DACH2: variants seen among roughly 807,000 people sequenced by gnomAD.
DACH2 encodes dachshund family transcription factor 2.
A neutral mutation model predicts 35.8 loss-of-function variants in DACH2; 17 were observed. The observed-to-expected ratio is 0.48, with a 90% CI of 0.33 to 0.71. DACH2 has a LOEUF of 0.71. DACH2 is among the 30% of genes least tolerant of loss of function. DACH2 has a pLI of 0.02. For synonymous variants in DACH2, 195 were observed against 177.3 expected (o/e 1.10, Z -0.79); for missense variants, 469 against 472.7 (o/e 0.99, Z 0.07).
chrX:86,258,559 G>T (rs769277367), intron 1 of DACH2, among the ~76,000 whole-genome samples: 1 of 111,212 alleles, frequency 9.0e-6, no homozygotes, highest in East Asian at 2.8e-4. Context: ...ATTTCCTATA[G>T]TGAAATTATG....
At chrX:86,322,638 G>T (rs2035037174) in intron 1 of DACH2, among the ~76,000 whole-genome samples, 1 of 112,066 alleles carries the variant, frequency 8.9e-6, no homozygotes, top group Admixed American at 9.4e-5. Context: ...TGTATGAACT[G>T]CATGGCTCCT....
intron 2 of DACH2, among the ~76,000 whole-genome samples, chrX:86,451,252 G>T (rs968217920): frequency 9.0e-6 from 1 of 111,618 alleles, no homozygotes; most frequent in Non-Finnish European, 1.9e-5. Context: ...TAAGGAAGGG[G>T]CCTGGTTTCA....
chrX:86,393,082 A>G (rs150208677), intron 2 of DACH2, among the ~76,000 whole-genome samples: 37 of 111,125 alleles, frequency 3.3e-4, no homozygotes, highest in East Asian at 3.1e-3. Flanking sequence ...TGAGAAAAAT[A>G]AGAAATGCTA....
chrX:86,406,146 C>A (rs2036524553), intron 2 of DACH2, among the ~76,000 whole-genome samples: 1 of 111,626 alleles, frequency 9.0e-6, no homozygotes, highest in East Asian at 2.8e-4. Flanking sequence ...ATCTACATGC[C>A]TATCAGTGGC....
At chrX:86,734,409 C>T (rs1057358092) in intron 6 of DACH2, among the ~76,000 whole-genome samples, 4 of 111,060 alleles carry the variant, frequency 3.6e-5, no homozygotes, top group Non-Finnish European at 7.6e-5. Context: ...TGGTGAGTTT[C>T]TTAACCATTC....
intron 3 of DACH2, among the ~76,000 whole-genome samples, chrX:86,527,476 C>A (rs1386705077): frequency 8.9e-6 from 1 of 112,092 alleles, no homozygotes; most frequent in African/African-American, 3.2e-5. Context: ...TGACTTCTTT[C>A]CTTTAGCATA....
intron 2 of DACH2, among the ~76,000 whole-genome samples, chrX:86,466,852 C>T (rs973101110): frequency 9.0e-6 from 1 of 110,947 alleles, no homozygotes; most frequent in African/African-American, 3.3e-5. Flanking sequence ...TACGTTGGCC[C>T]CTTTCAGCCA....
chrX:86,355,732 G>A lies in DACH2; in HGVS notation c.489-21092G>A, dbSNP rs192322135. Among the ~76,000 whole-genome samples the A allele has an allele frequency of 2.3e-3, 251 of 111,347 alleles. 1 individual carries two copies. Among genetic ancestry groups the A allele is most frequent in the Non-Finnish European group, 4.0e-3 (214 of 53,045 alleles). The stretch of plus-strand genomic sequence containing the variant: ...TTAAATAATAGCCTTTCTGACTGGC[G>A]TGAGATGGTATCTCATTGTGGTTTT... On this transcript the variant is annotated intron_variant, in intron 1 of 11. Coordinates refer to ENST00000373125, the MANE Select transcript of DACH2 (RefSeq NM_053281.3).
At chrX:86,671,964 G>A (rs1161591635) in intron 4 of DACH2, among the ~76,000 whole-genome samples, 2 of 111,833 alleles carry the variant, frequency 1.8e-5, no homozygotes, top group Non-Finnish European at 3.8e-5. Flanking sequence ...GGCTGATGAG[G>A]TGTCAGATGG....
At chrX:86,506,780 G>A (rs1028406412) in intron 2 of DACH2, among the ~76,000 whole-genome samples, 1 of 111,511 alleles carries the variant, frequency 9.0e-6, no homozygotes, top group African/African-American at 3.3e-5. Flanking sequence ...GAACTGATTT[G>A]TTATTTTAAT....
chrX:86,831,118 G>A (rs1330533815), intron 11 of DACH2: 2 of 110,711 alleles, frequency 1.8e-5, no homozygotes, highest in Admixed American at 1.9e-4. Context: ...GTATTATCTA[G>A]AAAATTCTGC....
chrX:86,472,514 A>C (rs2037775576), intron 2 of DACH2, among the ~76,000 whole-genome samples: 1 of 111,976 alleles, frequency 8.9e-6, no homozygotes, highest in South Asian at 3.7e-4. Flanking sequence ...CTAAAAAATA[A>C]AAGACCCAAG....
chrX:86,624,295 C>T (rs1318471506), intron 3 of DACH2, among the ~76,000 whole-genome samples: 1 of 110,939 alleles, frequency 9.0e-6, no homozygotes, highest in Non-Finnish European at 1.9e-5. Flanking sequence ...CCTATGCTTC[C>T]GATTCAATTG....
intron 1 of DACH2, among the ~76,000 whole-genome samples, chrX:86,301,500 G>A (rs1232484583): frequency 8.9e-6 from 1 of 111,872 alleles, no homozygotes; most frequent in Non-Finnish European, 1.9e-5. Context: ...AAAAGCAGAA[G>A]TTTGTTGAGA....
chrX:86,211,155 A>C, intron 1 of DACH2, among the ~76,000 whole-genome samples: 1 of 111,724 alleles, frequency 9.0e-6, no homozygotes, highest in Non-Finnish European at 1.9e-5. Flanking sequence ...AGCTTTTAAA[A>C]GAAATAATCA....
intron 3 of DACH2, among the ~76,000 whole-genome samples, chrX:86,632,970 T>C (rs1425086994): frequency 9.2e-6 from 1 of 108,388 alleles, no homozygotes; most frequent in Non-Finnish European, 1.9e-5. Flanking sequence ...AGAGTTAAAT[T>C]CCTACATCAA....
chrX:86,377,148 C>G (rs2035980173), intron 2 of DACH2, among the ~76,000 whole-genome samples: 1 of 111,470 alleles, frequency 9.0e-6, no homozygotes, highest in Admixed American at 9.5e-5. Flanking sequence ...GTGAACAACA[C>G]TGACATAAAA....
chrX:86,705,353 A>C (rs751599312), intron 5 of DACH2, among the ~76,000 whole-genome samples: 1 of 109,949 alleles, frequency 9.1e-6, no homozygotes, highest in African/African-American at 3.3e-5. Flanking sequence ...TACTTCTTGG[A>C]TGATGGGTGC....
intron 2 of DACH2, among the ~76,000 whole-genome samples, chrX:86,470,670 TTACCTATTGG>T (rs1254261388): frequency 9.0e-6 from 1 of 110,751 alleles, no homozygotes; most frequent in East Asian, 2.8e-4. Flanking sequence ...GGATGAGAAA[TTACCTATTGG>T]GTATAATGTA....
Sources: gnomAD v4.1 joint callset for allele counts (sites outside exome capture counted in the v4.1 genomes callset) on GRCh38, gnomAD v4.1.1 for gene constraint, MANE v1.5 for transcripts, NCBI Gene and HGNC (gene_info 2026-07-23, HGNC 2026-07-21) for gene names.